The following MYO7B variants were observed in gnomAD, a reference collection of about 807,000 sequenced individuals.
The protein encoded by MYO7B is unconventional myosin-VIIb.
A neutral mutation model predicts 259.7 loss-of-function variants in MYO7B; 212 were observed. The ratio of observed to expected loss-of-function variants is 0.82; its 90% confidence interval spans 0.73 to 0.91. MYO7B has a LOEUF of 0.91. MYO7B is among the 40% of genes least tolerant of loss of function. The pLI is 0.00. For missense variants in MYO7B, 2,732 were observed against 2,813.5 expected, an observed-to-expected ratio of 0.97 and a Z score of 0.66; for synonymous variants, 1,197 against 1,166.4, an observed-to-expected ratio of 1.03 and a Z score of -0.54.
chr2:127,588,976 G>T (rs1679420976), intron 15 of MYO7B, among the ~76,000 whole-genome samples: 1 of 145,884 alleles, frequency 6.9e-6, no homozygotes, highest in Admixed American at 6.8e-5. Flanking sequence ...TGGGTGGATG[G>T]GTAGTGGATG....
intron 1 of MYO7B, among the ~76,000 whole-genome samples, chr2:127,543,474 CA>C (rs1693089522): frequency 6.6e-6 from 1 of 152,166 alleles, no homozygotes; most frequent in South Asian, 2.1e-4. Flanking sequence ...TAGTACAGAA[CA>C]AAATGGAGTC....
chr2:127,635,366 C>T lies in MYO7B; in HGVS notation c.5820+140C>T, dbSNP rs190154007. 173 of 780,946 alleles carry T rather than the reference C, an allele frequency of 2.2e-4. 2 individuals are homozygous for T. The East Asian group carries it at 4.6e-3, about 21-fold the overall frequency. The allele number at this position is 780,946 out of a possible 1,614,324, so 48.4% of individuals were successfully genotyped here. A position where few individuals can be genotyped will look rare whatever the true frequency, so the allele number is the denominator to read the frequency against. ...GCCCATGTGGTAGGCAGACCAAGCC[C>T]CTGAGGGCTCTGGAACCAGGAGCAG... On this transcript the variant is annotated intron_variant, in intron 43 of 47. Transcript: ENST00000409816.
chr2:127,596,172 A>G (rs1193217578), intron 18 of MYO7B, among the ~76,000 whole-genome samples: 1 of 152,238 alleles, frequency 6.6e-6, no homozygotes, highest in Non-Finnish European at 1.5e-5. Flanking sequence ...ACACAACTTC[A>G]GGAAAATTTT....
In MYO7B at chr2:127,605,900, G is replaced by T; in HGVS notation, c.2396G>T (p.Gly799Val). The change falls in exon 20 of 48, where the codon GGC becomes GTC. Residue 799 changes from glycine to valine, a missense_variant. Physicochemically the swap from Gly to Val is moderately radical, Grantham distance 109 (BLOSUM62 -3). Transcript: ENST00000409816. Reference sequence around the variant, plus strand: ...GTGACCCTGCAGGCCTGGTGGAGAGGCTACTGCAACAGGAGGAATTTCAAG... The same window carrying T: ...GTGACCCTGCAGGCCTGGTGGAGAGTCTACTGCAACAGGAGGAATTTCAAG... Reference protein sequence around the residue: ...AAVTLQAWWRGYCNRRNFKLI... With the variant: ...AAVTLQAWWRVYCNRRNFKLI... 6.2e-7 allele frequency: 1 copy of T among 1,613,782 alleles called. No homozygotes were observed. Among genetic ancestry groups the T allele is most frequent in the Non-Finnish European group, 8.5e-7 (1 of 1,179,870 alleles).
intron 40 of MYO7B, 33 bp from the exon 41 acceptor site, chr2:127,634,143 G>T (rs1681666581): frequency 6.5e-7 from 1 of 1,540,694 alleles, no homozygotes; most frequent in Non-Finnish European, 8.8e-7. Flanking sequence ...CCCTAGCCAG[G>T]CCCCGGGCCT....
In MYO7B at chr2:127,633,482, C is replaced by G. The variant is rs982825749; in HGVS notation, c.5511+119C>G. ...CAGAGAGCCTTTTCTAGGGCTGTCC[C>G]ATCCTAACCAGTCTCCCGCCCTCTC... is the stretch of plus-strand genomic sequence containing the variant. On this transcript the variant is annotated intron_variant, in intron 40 of 47. Coordinates refer to ENST00000409816, the MANE Select transcript of MYO7B (RefSeq NM_001393586.1). 1.0e-5 allele frequency: 10 copies of G among 962,234 alleles called. No individual in the cohort carries two copies. In the African/African-American group the frequency reaches 1.6e-4, roughly 16 times the overall value. 59.6% of individuals were successfully genotyped at this position (962,234 alleles called of 1,614,324 possible).
In MYO7B at chr2:127,559,072, C is replaced by T. The variant is rs1055922181; in HGVS notation, c.-23-628C>T. 4.6e-5 allele frequency among the ~76,000 whole-genome samples: 7 copies of T among 152,190 alleles called. No homozygotes were observed. Among genetic ancestry groups the T allele is most frequent in the African/African-American group, 1.4e-4 (6 of 41,428 alleles). On this transcript the variant is annotated intron_variant, in intron 1 of 47. Transcript: ENST00000409816. This position sits in a 1 kb window ranked among gnomAD's most constrained non-coding sequence, Gnocchi z 4.1. ...CTGCCAACACTCAGTCAGGGTAACT[C>T]GGGGTTTCCTCCTTTAAATGGGACA... is the stretch of plus-strand genomic sequence containing the variant.
chr2:127,578,308 C>A (rs754271068), intron 9 of MYO7B, 22 bp downstream of exon 9: 8 of 1,613,042 alleles, frequency 5.0e-6, no homozygotes, highest in Non-Finnish European at 6.8e-6. Context: ...TCTGCCCCAA[C>A]TGCACCCTTG....
chr2:127,593,050 C>T (rs1263328123), intron 17 of MYO7B, 104 bp downstream of exon 17: 4 of 1,409,468 alleles, frequency 2.8e-6, no homozygotes, highest in Middle Eastern at 2.1e-4. Flanking sequence ...CTGCCCTCCC[C>T]GGCCCCAGCC....
chr2:127,637,270 C>A, intron 47 of MYO7B, 46 bp from the exon 48 acceptor site: 1 of 1,433,916 alleles, frequency 7.0e-7, no homozygotes, highest in Non-Finnish European at 9.6e-7. Flanking sequence ...GGACCCCCAC[C>A]TGCCCTCTGC....
In MYO7B at chr2:127,597,614, T is replaced by TTTATTTAC. The variant is rs1679822438; in HGVS notation, c.2339+1065_2339+1066insCTTATTTA. Among the ~76,000 whole-genome samples, 1 of 88,814 alleles carries TTTATTTAC rather than the reference T, an allele frequency of 1.1e-5. No individual in the cohort carries two copies. Among genetic ancestry groups the TTTATTTAC allele is most frequent in the African/African-American group, 3.9e-5 (1 of 25,574 alleles). 58.3% of individuals were successfully genotyped at this position (88,814 alleles called of 152,430 possible). On this transcript the variant is annotated intron_variant, in intron 19 of 47. Coordinates refer to ENST00000409816, the MANE Select transcript of MYO7B (RefSeq NM_001393586.1). The surrounding 1 kb of genome is among the most constrained non-coding windows in gnomAD (Gnocchi z 4.8). Reference sequence around the variant, plus strand: ...ATCCAGGTTATTGCTTGCATTAATATTTATTTATTTATTTATTTATTTATT... The same window carrying TTTATTTAC: ...ATCCAGGTTATTGCTTGCATTAATATTTATTTACTTATTTATTTATTTATTTATTTATT...
rs774479785 is a variant in MYO7B, at chr2:127,623,270, C to T, written c.3714C>T (p.Pro1238=). 9 of 1,613,484 alleles carry T rather than the reference C, an allele frequency of 5.6e-6. No individual in the cohort carries two copies. The highest frequency in any genetic ancestry group is 4.0e-5 in the African/African-American group (3 of 74,900). ...CCACTGGAGAGAGCCTAACCGTCCCCGTGGACTCAGCCTCCACATCTCGGG... is the reference window on the plus strand; with the variant it reads ...CCACTGGAGAGAGCCTAACCGTCCCTGTGGACTCAGCCTCCACATCTCGGG... ...ILATGESLTV[P]VDSASTSREM... Residue 1238 remains proline, a synonymous_variant, in exon 29 of 48, where the codon CCC becomes CCT. Coordinates refer to ENST00000409816, the MANE Select transcript of MYO7B (RefSeq NM_001393586.1).
intron 24 of MYO7B, 60 bp from the exon 25 acceptor site, chr2:127,612,190 G>A: frequency 1.9e-6 from 1 of 540,490 alleles, no homozygotes; most frequent in Admixed American, 2.2e-5. Context: ...AGGCTGTGGG[G>A]TCAGCATCAC....
Position 127,625,449 on chromosome 2 carries a change from C to G in MYO7B, c.4129C>G (p.Leu1377Val). The G allele has an allele frequency of 1.9e-6, 3 of 1,611,642 alleles. No individual in the cohort carries two copies. The highest frequency in any genetic ancestry group is 2.5e-6 in the Non-Finnish European group (3 of 1,179,416). ...AGCAGAGAGCAAGGCTGTCCAGGAG[C>G]TGCTGCCCAGCTGCATCCCCCACAA... ...ASAESKAVQELLPSCIPHKLY... is the reference protein window; with the variant it reads ...ASAESKAVQEVLPSCIPHKLY... The change falls in exon 31 of 48, where the codon CTG (leucine) becomes GTG (valine). Residue 1377 changes from leucine (L) to valine (V), a missense_variant. Leu to Val is a conservative substitution (Grantham distance 32). Around this residue, in one of 3 missense-constraint regions of MYO7B, gnomAD observed 1,906 missense variants for 2,026.4 expected, o/e 0.94. Transcript: ENST00000409816.
rs1317188673 is a variant in MYO7B at position 127,629,976 on chromosome 2, C to T, written c.4806+150C>T. Reference sequence around the variant, plus strand: ...ACCCGGGCAGCCCCCACCATTCCTGCGGCAAGGTGTGTGTGCAGTGCCAGC... The same window carrying T: ...ACCCGGGCAGCCCCCACCATTCCTGTGGCAAGGTGTGTGTGCAGTGCCAGC... On this transcript the variant is annotated intron_variant, in intron 35 of 47. Transcript: ENST00000409816. 7.4e-6 allele frequency: 6 copies of T among 806,474 alleles called. No individual in the cohort carries two copies. The East Asian group carries it at 1.0e-4, about 14-fold the overall frequency. 50.0% of individuals were successfully genotyped at this position (806,474 alleles called of 1,614,324 possible). A position where few individuals can be genotyped will look rare whatever the true frequency, so the allele number is the denominator to read the frequency against.
chr2:127,635,996 T>TCACATGGGTG (rs1270863761), intron 44 of MYO7B, 89 bp downstream of exon 44: 11 of 1,458,352 alleles, frequency 7.5e-6, no homozygotes, highest in Non-Finnish European at 1.0e-5. Context: ...GGCTCCAAGA[T>TCACATGGGTG]CACATGGGTG....
intron 26 of MYO7B, among the ~76,000 whole-genome samples, chr2:127,618,581 T>A (rs1300559650): frequency 2.6e-5 from 4 of 152,236 alleles, no homozygotes; most frequent in Non-Finnish European, 5.9e-5. Context: ...TTGCCAACAT[T>A]CTGCTTTTAT....
intron 31 of MYO7B, 159 bp from the exon 32 acceptor site, chr2:127,626,816 T>C (rs1030952820): frequency 3.1e-6 from 2 of 647,390 alleles, no homozygotes; most frequent in African/African-American, 3.7e-5. Flanking sequence ...CACCAGTCCC[T>C]GGGGACGTCC....
chr2:127,591,203 A>G (rs7600934), intron 16 of MYO7B, among the ~76,000 whole-genome samples: 133,794 of 152,258 alleles, frequency 0.88, 59,113 homozygotes, highest in East Asian at 0.99. Flanking sequence ...AAATAAAATG[A>G]GGCTTGCCTT....
Sources: allele counts gnomAD v4.1 joint callset (sites outside exome capture counted in the v4.1 genomes callset), GRCh38; gene constraint gnomAD v4.1.1; regional missense constraint gnomAD v4.1.1; non-coding constraint Gnocchi (gnomAD v3.1); transcripts MANE v1.5; gene names NCBI Gene and HGNC (gene_info 2026-07-23, HGNC 2026-07-21).